LRRC37A2: variants seen among roughly 807,000 people sequenced by gnomAD.
LRRC37A2 encodes leucine-rich repeat-containing protein 37A2.
A neutral mutation model predicts 68.8 loss-of-function variants in LRRC37A2; 9 were observed. The observed-to-expected ratio is 0.13, with a 90% CI of 0.08 to 0.23. LRRC37A2 has a LOEUF of 0.23. LRRC37A2 is among the 10% of genes least tolerant of loss of function. The pLI is 1.00. For missense variants in LRRC37A2, 168 were observed against 950.4 expected, an observed-to-expected ratio of 0.18 and a Z score of 10.82; for synonymous variants, 63 against 367.6, an observed-to-expected ratio of 0.17 and a Z score of 9.48.
At chr17:46,762,395 A>C in the LRRC37A2 span, 1 of 151,924 alleles carries the variant, frequency 6.6e-6, no homozygotes, top group African/African-American at 2.4e-5. Flanking sequence ...AAACAGAGGA[A>C]ATAACCTTCA....
At chr17:46,736,059 C>T in the LRRC37A2 span, among the ~76,000 whole-genome samples, 1 of 152,188 alleles carries the variant, frequency 6.6e-6, no homozygotes, top group African/African-American at 2.4e-5. Flanking sequence ...GAAGTGAGTT[C>T]AGAGCTCCCA....
the LRRC37A2 span, among the ~76,000 whole-genome samples, chr17:46,493,948 C>A: frequency 4.0e-5 from 6 of 151,178 alleles, no homozygotes; most frequent in Admixed American, 3.9e-4. Flanking sequence ...TCAAGGTGAT[C>A]CTCCCACCAC....
the LRRC37A2 span, among the ~76,000 whole-genome samples, chr17:46,835,510 C>G: frequency 2.0e-5 from 3 of 152,194 alleles, no homozygotes; most frequent in Non-Finnish European, 4.4e-5. Context: ...CACGCCCAGC[C>G]CAGTCTCCCT....
At chr17:46,818,535 A>G in the LRRC37A2 span, 1 of 1,608,348 alleles carries the variant, frequency 6.2e-7, no homozygotes, top group South Asian at 1.1e-5. Context: ...TTGGGTAGCC[A>G]GCGAGGACCC....
chr17:46,940,951 C>CT, the LRRC37A2 span: 3 of 1,248,296 alleles, frequency 2.4e-6, no homozygotes, highest in African/African-American at 3.1e-5. Flanking sequence ...CAGTGTGACT[C>CT]TCTCCACCGC....
chr17:46,854,626 A>AT, the LRRC37A2 span, among the ~76,000 whole-genome samples: 1 of 143,560 alleles, frequency 7.0e-6, no homozygotes, highest in Non-Finnish European at 1.5e-5. Flanking sequence ...GTTAATGGTG[A>AT]TAAAAAAAAA....
chr17:46,829,802 G>C, the LRRC37A2 span, among the ~76,000 whole-genome samples: 7 of 152,048 alleles, frequency 4.6e-5, no homozygotes, highest in African/African-American at 1.2e-4. Flanking sequence ...GTGGTGGGGT[G>C]GGGGGAGCAT....
At chr17:46,560,472 G>A (rs1279454830), downstream of LRRC37A2, 3 of 28,238 alleles carry the variant, frequency 1.1e-4, no homozygotes, top group African/African-American at 6.1e-4. Flanking sequence ...TTTCTCTAGA[G>A]GCCATTTAAA....
chr17:46,728,854 G>C, the LRRC37A2 span: 1 of 1,597,278 alleles, frequency 6.3e-7, no homozygotes. Context: ...TTCTTTTCCA[G>C]ATTACGTCCC....
At chr17:46,798,406 T>C in the LRRC37A2 span, among the ~76,000 whole-genome samples, 1 of 152,244 alleles carries the variant, frequency 6.6e-6, no homozygotes, top group Non-Finnish European at 1.5e-5. Flanking sequence ...TCATGTCTAA[T>C]ATATATGATT....
rs1437912019 is a variant in LRRC37A2, at chr17:46,525,611, AATAATC to A, written c.2906+1730_2906+1735del. Among the ~76,000 whole-genome samples, 110 of 118,544 alleles carry A rather than the reference AATAATC, an allele frequency of 9.3e-4. 2 individuals are homozygous for A. Among genetic ancestry groups the A allele is most frequent in the African/African-American group, 3.2e-3 (106 of 32,668 alleles). 77.8% of individuals were successfully genotyped at this position (118,544 alleles called of 152,430 possible). A position where few individuals can be genotyped will look rare whatever the true frequency, so the allele number is the denominator to read the frequency against. On this transcript the variant is annotated intron_variant, in intron 6 of 14. Transcript: ENST00000576629. ...CAAATAATAATAATAATATAATAATAATAATCATCATCATCATCATCATCATCATCA... is the reference window on the plus strand; with the variant it reads ...CAAATAATAATAATAATATAATAATAATCATCATCATCATCATCATCATCA...
the LRRC37A2 span, among the ~76,000 whole-genome samples, chr17:46,836,680 T>C: frequency 1.3e-5 from 2 of 152,156 alleles, no homozygotes; most frequent in African/African-American, 4.8e-5. Context: ...AAACCCACTG[T>C]GGAGAAAGTG....
chr17:46,891,918 C>CTTTTTTTTTTTTTTTTTTTTT, the LRRC37A2 span, among the ~76,000 whole-genome samples: 13 of 71,814 alleles, frequency 1.8e-4, no homozygotes, highest in South Asian at 4.7e-4. Context: ...CTTTTCTTTT[C>CTTTTTTTTTTTTTTTTTTTTT]TTTTTTTTTT....
chr17:46,919,951 A>AAAAG, the LRRC37A2 span, among the ~76,000 whole-genome samples: 1 of 152,130 alleles, frequency 6.6e-6, no homozygotes, highest in African/African-American at 2.4e-5. Flanking sequence ...CATCTCAAAA[A>AAAAG]AAAGAAAGAA....
chr17:46,602,650 C>A, the LRRC37A2 span: 1 of 124,500 alleles, frequency 8.0e-6, no homozygotes, highest in African/African-American at 3.2e-5. Flanking sequence ...TATGTGCTGA[C>A]AAATATTTTT....
the LRRC37A2 span, among the ~76,000 whole-genome samples, chr17:46,981,961 A>G: frequency 6.6e-6 from 1 of 152,100 alleles, no homozygotes; most frequent in Non-Finnish European, 1.5e-5. Context: ...TCAGTCTCCC[A>G]AAGTGTTGGG....
the LRRC37A2 span, among the ~76,000 whole-genome samples, chr17:46,817,633 G>GC: frequency 1.4e-3 from 205 of 146,352 alleles, 1 homozygote; most frequent in African/African-American, 4.1e-3. Context: ...GACACGCACA[G>GC]CCCCCCCCAA....
the LRRC37A2 span, among the ~76,000 whole-genome samples, chr17:46,620,315 CTTT>C: frequency 0.01 from 92 of 8,920 alleles, no homozygotes; most frequent in Non-Finnish European, 0.012. Flanking sequence ...CTCTCGCTCT[CTTT>C]TTTTTTTTTT....
the LRRC37A2 span, chr17:46,966,632 A>G: frequency 1.5e-6 from 1 of 661,356 alleles, no homozygotes; most frequent in Non-Finnish European, 2.8e-6. Context: ...TATAGGTATG[A>G]GCCACCACCC....
Sources: gnomAD v4.1 joint callset for allele counts (sites outside exome capture counted in the v4.1 genomes callset) on GRCh38, gnomAD v4.1.1 for gene constraint, MANE v1.5 for transcripts, NCBI Gene and HGNC (gene_info 2026-07-23, HGNC 2026-07-21) for gene names.